VPS13D: variants seen among roughly 807,000 people sequenced by gnomAD.
VPS13D encodes the protein vacuolar protein sorting 13 homolog D.
Under a neutral mutation model 461.9 loss-of-function variants are expected in VPS13D, and 187 were observed. The ratio of observed to expected loss-of-function variants is 0.40; its 90% CI spans 0.36 to 0.46. The LOEUF (loss-of-function observed/expected upper bound fraction) is 0.46. VPS13D is among the 20% of genes least tolerant of loss of function. The pLI is 0.60. For missense variants in VPS13D, 4,711 were observed against 5,364.9 expected, an observed-to-expected ratio of 0.88 and a Z score of 3.81; for synonymous variants, 1,951 against 1,986.3, an observed-to-expected ratio of 0.98 and a Z score of 0.47.
intron 65 of VPS13D, among the ~76,000 whole-genome samples, chr1:12,447,652 C>A (rs1260774121): frequency 6.6e-6 from 1 of 152,240 alleles, no homozygotes; most frequent in Non-Finnish European, 1.5e-5. Flanking sequence ...ACTTTTGCCA[C>A]AAGAAGCTCA....
chr1:12,502,181 C>A lies in VPS13D; in HGVS notation c.12794+4550C>A, dbSNP rs115536508. 5.5e-3 allele frequency among the ~76,000 whole-genome samples: 843 copies of A among 152,214 alleles called. 5 individuals carry two copies. The highest frequency in any genetic ancestry group is 0.02 in the African/African-American group (812 of 41,530). Reference sequence around the variant, plus strand: ...ACCTTGACAGCAGCAGGTAGAGAGACTGAAGGCAGGAAGCCAGTTAGGAGG... The same window carrying A: ...ACCTTGACAGCAGCAGGTAGAGAGAATGAAGGCAGGAAGCCAGTTAGGAGG... On this transcript the variant is annotated intron_variant, in intron 68 of 69. Coordinates refer to ENST00000620676, the MANE Select transcript of VPS13D (RefSeq NM_015378.4). The surrounding 1 kb of genome is among the most constrained non-coding windows in gnomAD (Gnocchi z 4.3).
intron 66 of VPS13D, among the ~76,000 whole-genome samples, chr1:12,459,482 C>CT (rs869264869): frequency 0.052 from 6,793 of 131,290 alleles, 209 homozygotes; most frequent in Non-Finnish European, 0.062. Flanking sequence ...CTTTTCTTTT[C>CT]TTTTTTTTTT....
intron 29 of VPS13D, 134 bp downstream of exon 29, chr1:12,312,059 T>TAATGATACGGCGACCACCGA: frequency 9.9e-5 from 50 of 506,784 alleles, no homozygotes; most frequent in Middle Eastern, 5.7e-4. Flanking sequence ...GTCTTTTGGT[T>TAATGATACGGCGACCACCGA]GATCTACACA....
chr1:12,274,320 G>A (rs1387723183), intron 18 of VPS13D, among the ~76,000 whole-genome samples: 2 of 152,204 alleles, frequency 1.3e-5, no homozygotes, highest in East Asian at 1.9e-4. Context: ...GATTATAGGC[G>A]TGAGCCACCG....
At position 12,342,909 on chromosome 1, in the gene VPS13D, T is replaced by C; in HGVS notation, c.8743T>C (p.Ser2915Pro). 1 of 1,611,662 alleles carries C rather than the reference T, an allele frequency of 6.2e-7. No homozygotes were observed. Among genetic ancestry groups the C allele is most frequent in the South Asian group, 1.1e-5 (1 of 90,836 alleles). The change falls in exon 42 of 70, where the codon TCT (serine) becomes CCT (proline). Residue 2915 changes from serine to proline, a missense_variant. Physicochemically the swap from Ser to Pro is moderately conservative, Grantham distance 74. Transcript: ENST00000620676. ...CTGATTTGGTTCCAGAGCTGCACTCTCTCACAGTGGGAGTCCAGGGGTAGT... is the reference window on the plus strand; with the variant it reads ...CTGATTTGGTTCCAGAGCTGCACTCCCTCACAGTGGGAGTCCAGGGGTAGT... ...LTTTPTRAAL[S>P]HSGSPGVVPE...
intron 54 of VPS13D, 143 bp from the exon 55 acceptor site, chr1:12,373,607 C>A: frequency 3.1e-6 from 1 of 326,770 alleles, no homozygotes; most frequent in Non-Finnish European, 5.2e-6. Context: ...TTGCATCAGA[C>A]TTTTTCTTCT....
In VPS13D at chr1:12,333,297, C is replaced by T. The variant is rs765244583; in HGVS notation, c.8359C>T (p.Pro2787Ser). The T allele has an allele frequency of 1.2e-6, 2 of 1,614,152 alleles. No individual in the cohort carries two copies. Among genetic ancestry groups the T allele is most frequent in the Non-Finnish European group, 1.7e-6 (2 of 1,179,992 alleles). Residue 2787 changes from proline (P) to serine (S), a missense_variant, in exon 38 of 70, where the codon CCT (proline) becomes TCT (serine). This residue lies in a region of VPS13D where 4,411 missense variants were observed against 4,937.8 expected (regional missense o/e 0.89). Coordinates refer to ENST00000620676, the MANE Select transcript of VPS13D (RefSeq NM_015378.4). The stretch of plus-strand genomic sequence containing the variant: ...ACAGCAGGCAGCTAGTCGTCTCCAT[C>T]CTCCTCGACTGAAGCTAGAAGCCAA... The part of the protein sequence containing the change: ...WQQQAASRLH[P>S]PRLKLEAKAK...
At chr1:12,266,790 T>A (rs896580793) in intron 13 of VPS13D, 91 bp from the exon 14 acceptor site, 100 of 1,164,926 alleles carry the variant, frequency 8.6e-5, no homozygotes, top group Non-Finnish European at 9.2e-6. Flanking sequence ...TCATCTATAA[T>A]AATCTTCTGT....
intron 33 of VPS13D, 101 bp downstream of exon 33, chr1:12,322,065 T>C: frequency 6.9e-7 from 1 of 1,457,188 alleles, no homozygotes; most frequent in South Asian, 1.3e-5. Context: ...TTTTTTTGTT[T>C]TGTTTTGTTT....
At chr1:12,311,774 A>G in intron 28 of VPS13D, 39 bp from the exon 29 acceptor site, 1 of 1,597,058 alleles carries the variant, frequency 6.3e-7, no homozygotes, top group Non-Finnish European at 8.6e-7. Context: ...TTAGGATGGC[A>G]TCATCAGCTG....
At chr1:12,232,634 AGTC>A (rs371657096) in intron 1 of VPS13D, among the ~76,000 whole-genome samples, 1 of 126,000 alleles carries the variant, frequency 7.9e-6, no homozygotes, top group African/African-American at 3.2e-5. Context: ...TACTAAAATT[AGTC>A]TTTTTTTTTT....
intron 65 of VPS13D, among the ~76,000 whole-genome samples, chr1:12,447,693 T>G (rs1645210908): frequency 6.6e-6 from 1 of 152,234 alleles, no homozygotes; most frequent in Non-Finnish European, 1.5e-5. Flanking sequence ...TCTATGATTA[T>G]TCTCTCTGAT....
chr1:12,381,894 CT>C (rs1644276734), intron 57 of VPS13D, among the ~76,000 whole-genome samples: 1 of 144,030 alleles, frequency 6.9e-6, no homozygotes, highest in Non-Finnish European at 1.5e-5. Flanking sequence ...GTCAGTCAGT[CT>C]GTCTTTTTTT....
intron 63 of VPS13D, among the ~76,000 whole-genome samples, chr1:12,409,458 T>C (rs1644695908): frequency 6.6e-6 from 1 of 152,168 alleles, no homozygotes; most frequent in African/African-American, 2.4e-5. Context: ...AATTTTAATA[T>C]ATAATAAAGA....
chr1:12,309,212 CTTT>C (rs201262655), intron 27 of VPS13D, among the ~76,000 whole-genome samples: 6 of 131,042 alleles, frequency 4.6e-5, no homozygotes, highest in Non-Finnish European at 6.6e-5. Flanking sequence ...TCTTTTTTTT[CTTT>C]TTTTTTTTTT....
chr1:12,361,403 A>ATTTATTTTTTTT (rs1553183518), intron 50 of VPS13D, among the ~76,000 whole-genome samples: 1 of 133,998 alleles, frequency 7.5e-6, no homozygotes, highest in African/African-American at 2.8e-5. Context: ...TTATTTATTT[A>ATTTATTTTTTTT]TTTTTTTTTT....
chr1:12,329,307 G>C (rs1430583617), intron 36 of VPS13D, among the ~76,000 whole-genome samples: 4 of 151,894 alleles, frequency 2.6e-5, no homozygotes, highest in Non-Finnish European at 4.4e-5. Flanking sequence ...TCCGCCTCCC[G>C]GGTCCAAGCA....
chr1:12,397,606 A>G (rs866147365), intron 60 of VPS13D, among the ~76,000 whole-genome samples: 1 of 152,206 alleles, frequency 6.6e-6, no homozygotes, highest in Non-Finnish European at 1.5e-5. Flanking sequence ...AGATATGGCT[A>G]TGACTTCAAA....
intron 30 of VPS13D, among the ~76,000 whole-genome samples, chr1:12,317,377 A>C (rs1467186227): frequency 4.6e-5 from 7 of 152,094 alleles, no homozygotes; most frequent in Admixed American, 4.6e-4. Flanking sequence ...GCAGTATTTA[A>C]GTCTGCGTCT....
Sources: gnomAD v4.1 joint callset for allele counts (sites outside exome capture counted in the v4.1 genomes callset) on GRCh38, gnomAD v4.1.1 for gene constraint, gnomAD v4.1.1 regional missense constraint, Gnocchi (gnomAD v3.1) non-coding constraint, MANE v1.5 for transcripts, NCBI Gene and HGNC (gene_info 2026-07-23, HGNC 2026-07-21) for gene names.